NRG2: variants seen among roughly 807,000 people sequenced by gnomAD.
NRG2 encodes neuregulin 2.
A neutral mutation model predicts 73.9 loss-of-function variants in NRG2; 27 were observed. The ratio of observed to expected loss-of-function variants is 0.37; its 90% CI spans 0.27 to 0.50. NRG2 has a LOEUF of 0.50. Among genes scored for constraint, NRG2 ranks in the 20% least tolerant of loss-of-function variants. NRG2 has a pLI of 0.96. For missense variants in NRG2, 1,126 were observed against 1,210.1 expected, an observed-to-expected ratio of 0.93 and a Z score of 1.03; for synonymous variants, 532 against 541.0, an observed-to-expected ratio of 0.98 and a Z score of 0.23.
In NRG2 at chr5:139,855,699, A is replaced by G; in HGVS notation, c.1269T>C (p.Cys423=). The G allele has an allele frequency of 6.2e-7, 1 of 1,613,970 alleles. No homozygotes were observed. Among genetic ancestry groups the G allele is most frequent in the Non-Finnish European group, 8.5e-7 (1 of 1,179,902 alleles). ...CVALLVVGIV[C]VVAYCKTKKQ... ...ACTTGGTCTTGCAGTAGGCCACCAC[A>G]CAGACGATGCCCACGACCAGCAGAG... The change falls in exon 6 of 10, where the codon TGT becomes TGC. Residue 423 remains cysteine (C), a synonymous_variant. Transcript: ENST00000361474.
intron 1 of NRG2, among the ~76,000 whole-genome samples, chr5:140,013,352 C>T (rs1157202132): frequency 6.6e-6 from 1 of 152,186 alleles, no homozygotes; most frequent in African/African-American, 2.4e-5. Flanking sequence ...TCTCAACTGG[C>T]TCATTCCTAC....
Position 139,870,550 on chromosome 5 carries a change from G to A in NRG2, c.1112+1171C>T, listed in dbSNP as rs1211905038. ...AGATCAGAGGCAGGGGAGCTGAGAA[G>A]TGTTGAGTCTGACCTTGCCTGGGGG... On this transcript the variant is annotated intron_variant, in intron 4 of 9. Transcript: ENST00000361474. The surrounding 1 kb of genome is among the most constrained non-coding windows in gnomAD (Gnocchi z 4.4). Among the ~76,000 whole-genome samples the A allele has an allele frequency of 6.6e-6, 1 of 152,220 alleles. No individual in the cohort carries two copies. The highest frequency in any genetic ancestry group is 1.5e-5 in the Non-Finnish European group (1 of 68,022).
At chr5:139,889,815 C>T (rs1046588248) in intron 1 of NRG2, among the ~76,000 whole-genome samples, 1 of 152,126 alleles carries the variant, frequency 6.6e-6, no homozygotes, top group Non-Finnish European at 1.5e-5. Context: ...TAACTTCATT[C>T]GTTTGCGCCT....
intron 1 of NRG2, among the ~76,000 whole-genome samples, chr5:139,917,666 C>T (rs1751362638): frequency 6.6e-6 from 1 of 152,104 alleles, no homozygotes; most frequent in Admixed American, 6.5e-5. Context: ...AGATCCTTGA[C>T]TCATTTTTTC....
intron 1 of NRG2, among the ~76,000 whole-genome samples, chr5:140,007,297 A>G (rs560712273): frequency 6.6e-6 from 1 of 152,264 alleles, no homozygotes; most frequent in African/African-American, 2.4e-5. Flanking sequence ...ATCCTGTGCG[A>G]GCTGTAGTGC....
chr5:140,039,081 C>T (rs1341778370), intron 1 of NRG2, among the ~76,000 whole-genome samples: 1 of 152,184 alleles, frequency 6.6e-6, no homozygotes, highest in Non-Finnish European at 1.5e-5. Flanking sequence ...ATACACCTTT[C>T]CTTGTAGCAA....
At chr5:139,867,801 A>AGTGTGTGTGTGTGT (rs1202470798) in intron 4 of NRG2, among the ~76,000 whole-genome samples, 1 of 79,458 alleles carries the variant, frequency 1.3e-5, no homozygotes, top group African/African-American at 5.1e-5. Context: ...TGTGTGTATG[A>AGTGTGTGTGTGTGT]GTGTGTGTGT....
intron 1 of NRG2, among the ~76,000 whole-genome samples, chr5:140,034,676 A>G (rs1314124780): frequency 3.3e-5 from 5 of 152,208 alleles, no homozygotes; most frequent in African/African-American, 1.2e-4. Context: ...AAACAAAACA[A>G]AACAATGATA....
intron 2 of NRG2, among the ~76,000 whole-genome samples, chr5:139,884,733 C>T (rs1391833835): frequency 1.3e-5 from 2 of 152,174 alleles, no homozygotes; most frequent in African/African-American, 2.4e-5. Context: ...TGTTCACTGA[C>T]ATATCTTGAG....
At chr5:140,039,357 G>A (rs1322999160) in intron 1 of NRG2, among the ~76,000 whole-genome samples, 3 of 151,978 alleles carry the variant, frequency 2.0e-5, no homozygotes, top group Non-Finnish European at 2.9e-5. Flanking sequence ...CTTTTTCCTC[G>A]CCTTTCCACA....
At chr5:140,013,978 C>T (rs1392139123) in intron 1 of NRG2, among the ~76,000 whole-genome samples, 3 of 152,106 alleles carry the variant, frequency 2.0e-5, no homozygotes, top group African/African-American at 4.8e-5. Context: ...GTCTAGGGCT[C>T]GAGTCCTTGC....
chr5:139,885,172 C>T (rs1425566849), intron 2 of NRG2, among the ~76,000 whole-genome samples: 18 of 152,078 alleles, frequency 1.2e-4, no homozygotes, highest in Admixed American at 1.2e-3. Flanking sequence ...CTTGGGGTCT[C>T]AGATTCTTAA....
chr5:139,867,375 GT>G (rs1762530345), intron 4 of NRG2, among the ~76,000 whole-genome samples: 1 of 152,052 alleles, frequency 6.6e-6, no homozygotes, highest in Non-Finnish European at 1.5e-5. Flanking sequence ...TATCAGGGAA[GT>G]GGCATGGGTG....
At position 140,003,782 on chromosome 5, in the gene NRG2, C is replaced by T. The variant is rs376386895; in HGVS notation, c.700+38588G>A. Among the ~76,000 whole-genome samples, 20 of 152,266 alleles carry T rather than the reference C, an allele frequency of 1.3e-4. 1 individual carries two copies. The South Asian group carries it at 3.5e-3, about 27-fold the overall frequency. ...CCTGGATGCCATCTGTAGTCTTCTC[C>T]TAATTCAAAAAACAGCAAGACCAGT... On this transcript the variant is annotated intron_variant, in intron 1 of 9. Coordinates refer to ENST00000361474, the MANE Select transcript of NRG2 (RefSeq NM_004883.3).
chr5:139,913,704 A>C (rs2127201223), intron 1 of NRG2, among the ~76,000 whole-genome samples: 1 of 152,330 alleles, frequency 6.6e-6, no homozygotes, highest in South Asian at 2.1e-4. Context: ...GCAGTATACA[A>C]AGACCCTGTC....
At chr5:139,999,508 T>C (rs967090656) in intron 1 of NRG2, among the ~76,000 whole-genome samples, 3 of 152,212 alleles carry the variant, frequency 2.0e-5, no homozygotes, top group Non-Finnish European at 4.4e-5. Flanking sequence ...AAACCTGGCC[T>C]GCATTGCCCT....
At chr5:139,945,677 T>C (rs1401387232) in intron 1 of NRG2, among the ~76,000 whole-genome samples, 2 of 151,918 alleles carry the variant, frequency 1.3e-5, no homozygotes, top group East Asian at 3.9e-4. Flanking sequence ...TTTTGATAGG[T>C]AGATGAAATA....
intron 1 of NRG2, among the ~76,000 whole-genome samples, chr5:139,961,212 G>A (rs999326049): frequency 3.3e-5 from 5 of 152,188 alleles, no homozygotes; most frequent in African/African-American, 9.7e-5. Flanking sequence ...TGAGGAGAAG[G>A]GGGAGCCCCA....
chr5:139,984,586 A>G (rs565279187), intron 1 of NRG2, among the ~76,000 whole-genome samples: 3 of 152,302 alleles, frequency 2.0e-5, no homozygotes, highest in Non-Finnish European at 2.9e-5. Context: ...CTTTTTTCAC[A>G]TATTTCTGGG....
Sources: allele counts gnomAD v4.1 joint callset (sites outside exome capture counted in the v4.1 genomes callset), GRCh38; gene constraint gnomAD v4.1.1; non-coding constraint Gnocchi (gnomAD v3.1); transcripts MANE v1.5; gene names NCBI Gene and HGNC (gene_info 2026-07-23, HGNC 2026-07-21).